ABTB3: variants seen among roughly 807,000 people sequenced by gnomAD.
The protein encoded by ABTB3 is ankyrin repeat and BTB domain containing 3, also known as ankyrin repeat- and BTB/POZ domain-containing protein 3.
At chr12:107,319,942 T>TCACCAC in the ABTB3 span, 1 of 1,552,922 alleles carries the variant, frequency 6.4e-7, no homozygotes, top group Non-Finnish European at 8.7e-7. Context: ...ACCACCACCA[T>TCACCAC]CACCACCACC....
the ABTB3 span, among the ~76,000 whole-genome samples, chr12:107,418,641 C>T: frequency 6.6e-6 from 1 of 152,210 alleles, no homozygotes; most frequent in Non-Finnish European, 1.5e-5. Context: ...CAGCATGTTG[C>T]AGCCCAGAAA....
the ABTB3 span, among the ~76,000 whole-genome samples, chr12:107,409,281 A>G: frequency 1.3e-5 from 2 of 152,354 alleles, no homozygotes; most frequent in East Asian, 1.9e-4. Context: ...TCCAGTGCAC[A>G]GTGAAAATAT....
chr12:107,512,806 C>T, the ABTB3 span, among the ~76,000 whole-genome samples: 2 of 152,216 alleles, frequency 1.3e-5, no homozygotes, highest in Admixed American at 6.5e-5. Context: ...TATTTTATAA[C>T]ACTTCCTCTA....
chr12:107,615,825 C>T, the ABTB3 span, among the ~76,000 whole-genome samples: 1 of 152,280 alleles, frequency 6.6e-6, no homozygotes, highest in African/African-American at 2.4e-5. Context: ...AAATCATAAG[C>T]TTGATCTTTA....
chr12:107,615,393 A>G, the ABTB3 span, among the ~76,000 whole-genome samples: 9 of 152,222 alleles, frequency 5.9e-5, 1 homozygote, highest in East Asian at 1.5e-3. Context: ...TCACACACAG[A>G]GTGACAGACC....
At chr12:107,518,889 C>T in the ABTB3 span, among the ~76,000 whole-genome samples, 14 of 152,228 alleles carry the variant, frequency 9.2e-5, no homozygotes, top group Non-Finnish European at 1.9e-4. Flanking sequence ...TCATAACCTT[C>T]TCCCACCATA....
At chr12:107,541,055 T>C in the ABTB3 span, among the ~76,000 whole-genome samples, 2 of 152,128 alleles carry the variant, frequency 1.3e-5, no homozygotes, top group African/African-American at 4.8e-5. Flanking sequence ...GCATCTATAA[T>C]CAATCAATCA....
chr12:107,404,162 CAAAAAAAAAAAAAA>C, the ABTB3 span, among the ~76,000 whole-genome samples: 5 of 40,256 alleles, frequency 1.2e-4, no homozygotes, highest in East Asian at 6.5e-4. Flanking sequence ...GACTCTAACT[CAAAAAAAAAAAAAA>C]AAAAAAAAAA....
At chr12:107,348,439 A>C in the ABTB3 span, among the ~76,000 whole-genome samples, 1 of 152,180 alleles carries the variant, frequency 6.6e-6, no homozygotes, top group South Asian at 2.1e-4. Context: ...AAGCAGTCAG[A>C]AGAGACCTGT....
chr12:107,581,357 CAGCCTCCACCCCTCCAA>C, the ABTB3 span: 1 of 1,264,108 alleles, frequency 7.9e-7, no homozygotes, highest in Non-Finnish European at 1.0e-6. Context: ...TCCGGCCTCG[CAGCCTCCACCCCTCCAA>C]TCAGAGCCCC....
At chr12:107,579,768 G>A in the ABTB3 span, among the ~76,000 whole-genome samples, 1 of 152,220 alleles carries the variant, frequency 6.6e-6, no homozygotes, top group Non-Finnish European at 1.5e-5. Flanking sequence ...GAACATATTT[G>A]CATGACCTAG....
chr12:107,462,162 T>A, the ABTB3 span, among the ~76,000 whole-genome samples: 1 of 152,242 alleles, frequency 6.6e-6, no homozygotes, highest in Admixed American at 6.5e-5. Context: ...ATTTTTGTAC[T>A]GTTTTATTTG....
chr12:107,566,619 A>G, the ABTB3 span, among the ~76,000 whole-genome samples: 1 of 148,960 alleles, frequency 6.7e-6, no homozygotes, highest in African/African-American at 2.5e-5. Context: ...GGAAACAGGC[A>G]TGATGTAGCT....
chr12:107,608,381 A>G, the ABTB3 span, among the ~76,000 whole-genome samples: 5 of 152,184 alleles, frequency 3.3e-5, no homozygotes, highest in Non-Finnish European at 5.9e-5. Context: ...TTTTAAGGAT[A>G]AAGTTTGAAG....
chr12:107,432,698 G>A, the ABTB3 span, among the ~76,000 whole-genome samples: 1 of 152,180 alleles, frequency 6.6e-6, no homozygotes, highest in African/African-American at 2.4e-5. Flanking sequence ...AGAACAAGAA[G>A]AATGTGTTTC....
At chr12:107,435,100 T>C in the ABTB3 span, among the ~76,000 whole-genome samples, 1 of 152,190 alleles carries the variant, frequency 6.6e-6, no homozygotes, top group Non-Finnish European at 1.5e-5. Context: ...CTGAACTGCA[T>C]CAGTGCTACA....
the ABTB3 span, among the ~76,000 whole-genome samples, chr12:107,484,791 G>A: frequency 4.3e-4 from 65 of 152,254 alleles, no homozygotes; most frequent in African/African-American, 1.4e-3. Flanking sequence ...TGGGCTCTGC[G>A]CTTATTCTGG....
At chr12:107,326,976 G>A in the ABTB3 span, among the ~76,000 whole-genome samples, 1 of 152,158 alleles carries the variant, frequency 6.6e-6, no homozygotes, top group African/African-American at 2.4e-5. Context: ...CAGCTGTGCT[G>A]GTGGGAGGAT....
chr12:107,509,313 A>C, the ABTB3 span, among the ~76,000 whole-genome samples: 1 of 152,224 alleles, frequency 6.6e-6, no homozygotes, highest in Non-Finnish European at 1.5e-5. Flanking sequence ...CAAACCACCA[A>C]AAGAATAAGA....
Sources: allele counts gnomAD v4.1 joint callset (sites outside exome capture counted in the v4.1 genomes callset), GRCh38; gene constraint gnomAD v4.1.1; transcripts MANE v1.5; gene names NCBI Gene and HGNC (gene_info 2026-07-23, HGNC 2026-07-21).